The following HEXB variants were observed in gnomAD, a reference collection of about 807,000 sequenced individuals.
The protein encoded by HEXB is hexosaminidase subunit beta, also known as beta-hexosaminidase subunit beta.
In HEXB, 51 loss-of-function variants were observed where a neutral mutation model predicts 71.2. The observed-to-expected ratio is 0.72, with a 90% CI of 0.57 to 0.90. The LOEUF is 0.90. HEXB is among the 40% of genes least tolerant of loss of function. HEXB has a pLI of 0.00. For synonymous variants in HEXB, 266 were observed against 249.3 expected, an observed-to-expected ratio of 1.07 and a Z score of -0.63; for missense variants, 617 against 677.0, an observed-to-expected ratio of 0.91 and a Z score of 0.98.
chr5:74,708,923 A>T (rs1310683265), intron 6 of HEXB, among the ~76,000 whole-genome samples: 1 of 152,206 alleles, frequency 6.6e-6, no homozygotes, highest in African/African-American at 2.4e-5. Context: ...AATTGAACTC[A>T]GCTCTGCACC....
chr5:74,645,943 T>C (rs896953893), intron 1 of HEXB, among the ~76,000 whole-genome samples: 1 of 117,058 alleles, frequency 8.5e-6, no homozygotes, highest in Non-Finnish European at 1.7e-5. Context: ...ATTCTTCCTA[T>C]GTCTGCATAC....
chr5:74,719,037 T>C, intron 11 of HEXB, 66 bp downstream of exon 11: 4 of 1,486,596 alleles, frequency 2.7e-6, no homozygotes, highest in South Asian at 2.3e-5. Context: ...GAAGCAACCA[T>C]TGTTACCTTT....
At chr5:74,679,028 C>T (rs1748687466) in intron 1 of HEXB, among the ~76,000 whole-genome samples, 1 of 152,192 alleles carries the variant, frequency 6.6e-6, no homozygotes, top group Non-Finnish European at 1.5e-5. Flanking sequence ...ACACTGTTGC[C>T]GTTTTTGGGG....
In HEXB at chr5:74,698,400, T is replaced by A. The variant is rs905928424; in HGVS notation, c.669+1294T>A. On this transcript the variant is annotated intron_variant, in intron 5 of 13. Coordinates refer to ENST00000261416, the MANE Select transcript of HEXB (RefSeq NM_000521.4). ...AAAATTATTATTATTATTATTATTT[T>A]TTTTTCTTTTTAGTTGAAGTCTTGC... is the stretch of plus-strand genomic sequence containing the variant. 4.6e-4 allele frequency among the ~76,000 whole-genome samples: 68 copies of A among 147,656 alleles called. 1 individual carries two copies. Among genetic ancestry groups the A allele is most frequent in the East Asian group, 1.6e-3 (8 of 4,902 alleles).
At chr5:74,715,754 C>T (rs927191770) in intron 8 of HEXB, 64 bp downstream of exon 8, 44 of 1,160,912 alleles carry the variant, frequency 3.8e-5, no homozygotes, top group South Asian at 1.1e-4. Flanking sequence ...CGGTGGCTCA[C>T]GCCTATAATC....
chr5:74,669,057 G>A (rs752996139), intron 1 of HEXB, among the ~76,000 whole-genome samples: 1 of 152,028 alleles, frequency 6.6e-6, no homozygotes, highest in Non-Finnish European at 1.5e-5. Flanking sequence ...TGCCTCCCGG[G>A]TTCAAGCAAG....
intron 3 of HEXB, among the ~76,000 whole-genome samples, chr5:74,695,056 G>A (rs1161466199): frequency 1.3e-5 from 2 of 151,852 alleles, no homozygotes; most frequent in Admixed American, 6.6e-5. Flanking sequence ...TATACCATAA[G>A]ATTATAATTT....
At chr5:74,682,167 G>A (rs1748749894), upstream of HEXB, among the ~76,000 whole-genome samples, 1 of 152,202 alleles carries the variant, frequency 6.6e-6, no homozygotes, top group African/African-American at 2.4e-5. Context: ...GACCATCCTG[G>A]CTAACACGGT....
At chr5:74,665,752 T>C (rs927751218) in intron 1 of HEXB, among the ~76,000 whole-genome samples, 3 of 152,202 alleles carry the variant, frequency 2.0e-5, no homozygotes, top group African/African-American at 4.8e-5. Flanking sequence ...AAATTTTATA[T>C]ACCGAATTCT....
At position 74,641,212 on chromosome 5, in the gene HEXB, A is replaced by G. The variant is rs964405325; in HGVS notation, c.-377+654A>G. On this transcript the variant is annotated intron_variant, in intron 1 of 13. Coordinates refer to the HEXB transcript ENST00000511181. This position sits in a 1 kb window ranked among gnomAD's most constrained non-coding sequence, Gnocchi z 4.1. ...TCCGCAGGACAGGCCCTGGGCACGC[A>G]TAGACAGCGCCTTGGGTAGGACACC... The G allele has an allele frequency of 2.6e-5, 4 of 152,630 alleles. No homozygotes were observed. Among genetic ancestry groups the G allele is most frequent in the Non-Finnish European group, 5.9e-5 (4 of 68,368 alleles). 9.5% of individuals were successfully genotyped at this position (152,630 alleles called of 1,614,324 possible). A position where few individuals can be genotyped will look rare whatever the true frequency, so the allele number is the denominator to read the frequency against.
intron 9 of HEXB, among the ~76,000 whole-genome samples, chr5:74,717,477 CAT>C (rs57555383): frequency 0.031 from 4,605 of 146,232 alleles, 240 homozygotes; most frequent in African/African-American, 0.11. Context: ...CTGAAAAATG[CAT>C]ATATATATAT....
intron 2 of HEXB, among the ~76,000 whole-genome samples, chr5:74,691,974 A>C (rs1749013295): frequency 2.7e-5 from 4 of 148,574 alleles, no homozygotes; most frequent in African/African-American, 7.9e-5. Context: ...ATATATTTAG[A>C]AAACCAAATT....
upstream of HEXB, among the ~76,000 whole-genome samples, chr5:74,684,193 C>G (rs970911504): frequency 3.3e-5 from 5 of 152,172 alleles, no homozygotes; most frequent in Non-Finnish European, 7.3e-5. Context: ...TATAGCAGAT[C>G]TGTGGTTTTG....
chr5:74,692,334 CAAA>C (rs916578254), intron 2 of HEXB, among the ~76,000 whole-genome samples: 5 of 52,422 alleles, frequency 9.5e-5, no homozygotes, highest in Admixed American at 2.2e-4. Context: ...CCTGTCTCTA[CAAA>C]AAAAAAAAAA....
At position 74,652,923 on chromosome 5, in the gene HEXB, C is replaced by G. The variant is rs1748147756; in HGVS notation, c.-377+12365C>G. On this transcript the variant is annotated intron_variant, in intron 1 of 13. Coordinates refer to the HEXB transcript ENST00000511181. The surrounding 1 kb of genome is among the most constrained non-coding windows in gnomAD (Gnocchi z 5.4). ...GACACATATCCCTTTATATACCAGT[C>G]ATTTTTAATGCCCTCTTTGCTTTAC... 6.6e-6 allele frequency among the ~76,000 whole-genome samples: 1 copy of G among 152,192 alleles called. No homozygotes were observed.
intron 1 of HEXB, among the ~76,000 whole-genome samples, chr5:74,672,431 T>C (rs2112104376): frequency 6.6e-6 from 1 of 152,348 alleles, no homozygotes; most frequent in East Asian, 1.9e-4. Flanking sequence ...TGCCTGCCTG[T>C]AAGTCCTGGT....
intron 1 of HEXB, among the ~76,000 whole-genome samples, chr5:74,671,146 G>A (rs1748530506): frequency 6.8e-6 from 1 of 146,364 alleles, no homozygotes; most frequent in East Asian, 1.9e-4. Flanking sequence ...ACTACAGTAA[G>A]GGACAACAAT....
intron 1 of HEXB, among the ~76,000 whole-genome samples, chr5:74,686,550 C>T (rs78661177): frequency 0.013 from 2,025 of 152,278 alleles, 41 homozygotes; most frequent in African/African-American, 0.046. Flanking sequence ...TGTGTTCTGA[C>T]CCCAGATAGG....
chr5:74,668,211 T>A (rs1469170689), intron 1 of HEXB, among the ~76,000 whole-genome samples: 2 of 139,682 alleles, frequency 1.4e-5, no homozygotes, highest in Non-Finnish European at 3.1e-5. Flanking sequence ...TTTATTTTGT[T>A]TTTTTGTTTT....
Sources: allele counts gnomAD v4.1 joint callset (sites outside exome capture counted in the v4.1 genomes callset), GRCh38; gene constraint gnomAD v4.1.1; non-coding constraint Gnocchi (gnomAD v3.1); transcripts MANE v1.5; gene names NCBI Gene and HGNC (gene_info 2026-07-23, HGNC 2026-07-21).